The following POGZ variants were observed in gnomAD, a reference collection of about 807,000 sequenced individuals.
POGZ encodes pogo transposable element derived with ZNF domain.
In POGZ, 17 loss-of-function variants were observed where a neutral mutation model predicts 134.6. That is an observed-to-expected ratio of 0.13 (90% CI 0.09 to 0.19). The LOEUF (loss-of-function observed/expected upper bound fraction) is 0.19, where lower values mean the gene tolerates loss of function less well. POGZ is among the 10% of genes least tolerant of loss of function. The pLI, the probability that POGZ is intolerant of heterozygous loss-of-function variation, is 1.00. For synonymous variants in POGZ, 693 were observed against 657.1 expected, an observed-to-expected ratio of 1.05 and a Z score of -0.84; for missense variants, 1,306 against 1,769.7, an observed-to-expected ratio of 0.74 and a Z score of 4.70.
intron 1 of POGZ, among the ~76,000 whole-genome samples, chr1:151,447,185 A>T (rs1474813386): frequency 1.3e-5 from 2 of 152,100 alleles, no homozygotes; most frequent in African/African-American, 4.8e-5. Flanking sequence ...GAGGAGTTTG[A>T]GACCAGCCTG....
intron 1 of POGZ, among the ~76,000 whole-genome samples, chr1:151,458,747 G>A (rs1004796002): frequency 4.8e-5 from 7 of 145,416 alleles, no homozygotes; most frequent in African/African-American, 1.7e-4. Flanking sequence ...CCACTCCTCC[G>A]AGACGCCTCG....
At chr1:151,422,934 A>T (rs1657180936) in intron 10 of POGZ, among the ~76,000 whole-genome samples, 1 of 152,226 alleles carries the variant, frequency 6.6e-6, no homozygotes, top group African/African-American at 2.4e-5. Context: ...GCTTATGTCC[A>T]GCCTACATGT....
At chr1:151,427,793 G>T (rs1340976674) in intron 7 of POGZ, 30 bp downstream of exon 7, 45 of 1,387,692 alleles carry the variant, frequency 3.2e-5, no homozygotes, top group Non-Finnish European at 4.4e-5. Context: ...TTGAATGACT[G>T]GCTGCTCAGA....
chr1:151,413,599 C>A (rs1453135691), intron 10 of POGZ, among the ~76,000 whole-genome samples: 1 of 151,974 alleles, frequency 6.6e-6, no homozygotes, highest in Non-Finnish European at 1.5e-5. Flanking sequence ...AACCTCCCCC[C>A]GCCCCCAGCC....
intron 10 of POGZ, among the ~76,000 whole-genome samples, chr1:151,420,327 T>C (rs980588261): frequency 2.0e-5 from 3 of 152,146 alleles, no homozygotes; most frequent in Non-Finnish European, 2.9e-5. Context: ...ATTGATTCTT[T>C]GTTTTTTGAG....
chr1:151,427,678 CCTTA>C, intron 7 of POGZ, 141 bp downstream of exon 7: 1 of 623,858 alleles, frequency 1.6e-6, no homozygotes, highest in South Asian at 2.0e-5. Flanking sequence ...GTGGCTTTCT[CCTTA>C]CTAAAGTTTC....
intron 3 of POGZ, among the ~76,000 whole-genome samples, chr1:151,436,278 C>T (rs901694847): frequency 1.3e-5 from 2 of 151,796 alleles, no homozygotes; most frequent in Admixed American, 1.3e-4. Context: ...ACATATTCAT[C>T]GCCCTCAAAA....
chr1:151,444,852 T>C (rs1309700977), intron 1 of POGZ, among the ~76,000 whole-genome samples: 2 of 152,160 alleles, frequency 1.3e-5, no homozygotes, highest in African/African-American at 4.8e-5. Flanking sequence ...ACTCCATCTC[T>C]ACAAATTTTT....
chr1:151,423,888 A>C (rs1297404862), intron 9 of POGZ, 61 bp downstream of exon 9: 13 of 1,305,550 alleles, frequency 1.0e-5, no homozygotes, highest in Non-Finnish European at 1.4e-5. Context: ...GACTTAAAAT[A>C]TATAAGAAAA....
intron 1 of POGZ, among the ~76,000 whole-genome samples, chr1:151,448,889 C>G (rs569616671): frequency 6.6e-6 from 1 of 151,620 alleles, no homozygotes; most frequent in Non-Finnish European, 1.5e-5. Context: ...CAAACAAACA[C>G]GCAAACAAAC....
At chr1:151,419,256 G>T (rs1392070224) in intron 10 of POGZ, among the ~76,000 whole-genome samples, 1 of 151,940 alleles carries the variant, frequency 6.6e-6, no homozygotes, top group Non-Finnish European at 1.5e-5. Flanking sequence ...CAGGAACTTG[G>T]GAGACTGAGG....
chr1:151,449,093 G>A (rs1661670156), intron 1 of POGZ, among the ~76,000 whole-genome samples: 1 of 152,044 alleles, frequency 6.6e-6, no homozygotes, highest in South Asian at 2.1e-4. Context: ...AGCTCATTTC[G>A]AACCTTCAAT....
In POGZ at chr1:151,407,310, T is replaced by C. The variant is rs758382538; in HGVS notation, c.2376-19A>G. ...ATGATTGCTGAGAAAGACAAAGAAG[T>C]GGTATGAGTTACGGAGTTCTGCTGG... On this transcript the variant is annotated intron_variant, in intron 15 of 18. Transcript: ENST00000271715. 1.3e-6 allele frequency: 2 copies of C among 1,585,044 alleles called. No individual in the cohort carries two copies. The highest frequency in any genetic ancestry group is 1.7e-6 in the Non-Finnish European group (2 of 1,159,310).
At chr1:151,457,243 G>C (rs907080261) in intron 1 of POGZ, among the ~76,000 whole-genome samples, 4 of 152,186 alleles carry the variant, frequency 2.6e-5, no homozygotes, top group African/African-American at 9.6e-5. Flanking sequence ...CACCAACACA[G>C]CTCTGGAAAA....
At chr1:151,413,103 CTTT>C (rs34480197) in intron 10 of POGZ, among the ~76,000 whole-genome samples, 21 of 92,846 alleles carry the variant, frequency 2.3e-4, no homozygotes, top group South Asian at 3.6e-4. Context: ...CGTGCCTGGG[CTTT>C]TTTTTTTTTT....
chr1:151,405,775 C>T lies in POGZ; in HGVS notation c.3260G>A (p.Arg1087Gln), dbSNP rs376406028. The change falls in exon 19 of 19, where the codon CGA becomes CAA. Residue 1087 changes from arginine to glutamine, a missense_variant. Transcript: ENST00000271715. This position sits in a 1 kb window ranked among gnomAD's most constrained non-coding sequence, Gnocchi z 4.9. ...LRHHLTPHARRAVAHTLPKDV... is the reference protein window; with the variant it reads ...LRHHLTPHARQAVAHTLPKDV... Reference sequence around the variant, plus strand: ...CTTAGGTAGGGTGTGGGCCACAGCTCGCCGGGCATGGGGAGTCAGGTGGTG... The same window carrying T: ...CTTAGGTAGGGTGTGGGCCACAGCTTGCCGGGCATGGGGAGTCAGGTGGTG... 3.7e-6 allele frequency: 6 copies of T among 1,614,172 alleles called. No homozygotes were observed. The highest frequency in any genetic ancestry group is 5.1e-6 in the Non-Finnish European group (6 of 1,180,014).
In POGZ at chr1:151,423,817, T is replaced by C. The variant is rs998733117; in HGVS notation, c.1523+132A>G. On this transcript the variant is annotated intron_variant, in intron 9 of 18. Transcript: ENST00000271715. Reference sequence around the variant, plus strand: ...ATATCTCCTTCTATAGTCCTAGTTATTGATTTAATGATAACCCCAGCAAGA... The same window carrying C: ...ATATCTCCTTCTATAGTCCTAGTTACTGATTTAATGATAACCCCAGCAAGA... 3.9e-5 allele frequency: 28 copies of C among 718,606 alleles called. No individual in the cohort carries two copies. In the African/African-American group the frequency reaches 4.8e-4, roughly 12 times the overall value. The allele number at this position is 718,606 out of a possible 1,614,324, so 44.5% of individuals were successfully genotyped here.
chr1:151,418,425 C>T (rs1656174774), intron 10 of POGZ, among the ~76,000 whole-genome samples: 1 of 151,828 alleles, frequency 6.6e-6, no homozygotes, highest in African/African-American at 2.4e-5. Context: ...TGGTGGTTAC[C>T]AGAGGCTGGG....
rs772669972 is a variant in POGZ at position 151,405,216 on chromosome 1, C to T, written c.3819G>A (p.Lys1273=). ...CCTTCCATTTTTTATGCAGGAAGTT[C>T]TTGACAGTTCTTTTGATGCATACAT... is the stretch of plus-strand genomic sequence containing the variant. ...PLDVCIKRTV[K]NFLHKKWKEQ... The change falls in exon 19 of 19, where the codon AAG becomes AAA. Residue 1273 remains lysine (K), a synonymous_variant. Coordinates refer to ENST00000271715, the MANE Select transcript of POGZ (RefSeq NM_015100.4). This position sits in a 1 kb window ranked among gnomAD's most constrained non-coding sequence, Gnocchi z 4.9. The T allele has an allele frequency of 6.2e-7, 1 of 1,614,092 alleles. No individual in the cohort carries two copies.
Sources: gnomAD v4.1 joint callset for allele counts (sites outside exome capture counted in the v4.1 genomes callset) on GRCh38, gnomAD v4.1.1 for gene constraint, Gnocchi (gnomAD v3.1) non-coding constraint, MANE v1.5 for transcripts, NCBI Gene and HGNC (gene_info 2026-07-23, HGNC 2026-07-21) for gene names.